The following LDLRAD4 variants were observed in gnomAD, a reference collection of about 807,000 sequenced individuals.
LDLRAD4 encodes low density lipoprotein receptor class A domain containing 4, also known as low-density lipoprotein receptor class A domain-containing protein 4.
LDLRAD4 carries 5 observed loss-of-function variants against 17.0 expected under a neutral mutation model. That is an observed-to-expected ratio of 0.29 (90% CI 0.15 to 0.62). The LOEUF is 0.62. LDLRAD4 is among the 20% of genes least tolerant of loss of function. LDLRAD4 has a pLI of 0.84. For synonymous variants in LDLRAD4, 168 were observed against 171.8 expected (o/e 0.98, Z 0.17); for missense variants, 340 against 424.7 (o/e 0.80, Z 1.75).
intron 1 of LDLRAD4, among the ~76,000 whole-genome samples, chr18:13,290,364 T>C (rs1248453803): frequency 6.6e-6 from 1 of 152,230 alleles, no homozygotes; most frequent in Non-Finnish European, 1.5e-5. Flanking sequence ...CCATTAATCG[T>C]TGTTTATATC....
At chr18:13,624,711 C>A (rs926991986) in intron 4 of LDLRAD4, among the ~76,000 whole-genome samples, 3 of 152,174 alleles carry the variant, frequency 2.0e-5, no homozygotes, top group Non-Finnish European at 4.4e-5. Context: ...CCCTAGGTGA[C>A]CACCTGTGTC....
At chr18:13,463,667 C>A (rs536747581) in intron 3 of LDLRAD4, among the ~76,000 whole-genome samples, 6 of 152,268 alleles carry the variant, frequency 3.9e-5, no homozygotes, top group African/African-American at 1.2e-4. Context: ...GGTGACAGGG[C>A]AGTCACCCAA....
chr18:13,638,571 C>G (rs1286695162), intron 4 of LDLRAD4, among the ~76,000 whole-genome samples: 1 of 152,160 alleles, frequency 6.6e-6, no homozygotes, highest in Non-Finnish European at 1.5e-5. Flanking sequence ...GAGCAGGTGC[C>G]CTCTCGTAAG....
chr18:13,497,676 A>C (rs1462518578), intron 3 of LDLRAD4, among the ~76,000 whole-genome samples: 1 of 152,244 alleles, frequency 6.6e-6, no homozygotes, highest in Non-Finnish European at 1.5e-5. Context: ...AGGTCAAAAC[A>C]CATATGGGGG....
exon 6 of LDLRAD4, chr18:13,648,437 A>G (rs1308065140): frequency 1.3e-5 from 2 of 152,226 alleles, no homozygotes; most frequent in Non-Finnish European, 2.9e-5. Flanking sequence ...TTAGTTTAAA[A>G]GCCAAGGTCA....
chr18:13,280,254 T>C (rs540104576), intron 1 of LDLRAD4: 4 of 152,384 alleles, frequency 2.6e-5, no homozygotes, highest in African/African-American at 9.6e-5. Context: ...GACCTTGGGT[T>C]GAGTTCTGGC....
Position 13,582,243 on chromosome 18 carries a change from T to G in LDLRAD4, c.182-38874T>G, listed in dbSNP as rs571235971. Among the ~76,000 whole-genome samples the G allele has an allele frequency of 2.0e-5, 3 of 152,382 alleles. No individual in the cohort carries two copies. The East Asian group carries it at 5.8e-4, about 29-fold the overall frequency. On this transcript the variant is annotated intron_variant, in intron 3 of 5. Transcript: ENST00000359446. ...GCACTCAGCAATGGCCAGTTTTCTT[T>G]GCCTTTGAATGGCCTAAAAGGGCAA...
intron 1 of LDLRAD4, among the ~76,000 whole-genome samples, chr18:13,344,122 A>G (rs2082540225): frequency 6.6e-6 from 1 of 152,166 alleles, no homozygotes; most frequent in Admixed American, 6.5e-5. Context: ...TTTTGATGCC[A>G]TTGCTTTTGG....
At chr18:13,370,571 G>T (rs1183677498) in intron 1 of LDLRAD4, among the ~76,000 whole-genome samples, 1 of 152,158 alleles carries the variant, frequency 6.6e-6, no homozygotes, top group Non-Finnish European at 1.5e-5. Context: ...ATAAGGAGAT[G>T]GCACCCTTTC....
intron 3 of LDLRAD4, chr18:13,612,286 T>G: frequency 2.0e-6 from 2 of 1,018,876 alleles, no homozygotes; most frequent in Non-Finnish European, 2.4e-6. Context: ...ACCTGAGAAG[T>G]GCAGACTGCT....
At chr18:13,258,414 C>A (rs1216931809) in intron 1 of LDLRAD4, among the ~76,000 whole-genome samples, 1 of 151,912 alleles carries the variant, frequency 6.6e-6, no homozygotes, top group Non-Finnish European at 1.5e-5. Context: ...TAATGAATGG[C>A]CACTAGGGAC....
At chr18:13,365,123 T>TG (rs1440446105) in intron 1 of LDLRAD4, among the ~76,000 whole-genome samples, 1 of 152,208 alleles carries the variant, frequency 6.6e-6, no homozygotes, top group Non-Finnish European at 1.5e-5. Context: ...TCATCAGAAA[T>TG]GCGTTTGCAT....
intron 4 of LDLRAD4, among the ~76,000 whole-genome samples, chr18:13,630,473 A>G (rs1025239499): frequency 1.7e-4 from 26 of 152,254 alleles, no homozygotes; most frequent in African/African-American, 5.8e-4. Flanking sequence ...TGAATATCCA[A>G]AGATCAATTT....
intron 1 of LDLRAD4, among the ~76,000 whole-genome samples, chr18:13,379,464 G>T (rs1021624077): frequency 6.6e-6 from 1 of 152,226 alleles, no homozygotes; most frequent in Non-Finnish European, 1.5e-5. Flanking sequence ...CAATGCCAAG[G>T]ATAATCAGGA....
intron 2 of LDLRAD4, among the ~76,000 whole-genome samples, chr18:13,388,980 T>G (rs943075514): frequency 6.6e-6 from 1 of 152,150 alleles, no homozygotes; most frequent in Non-Finnish European, 1.5e-5. Context: ...CTCTGGATTG[T>G]GAGGGGCTGG....
At chr18:13,256,948 C>G (rs1021213398) in intron 1 of LDLRAD4, among the ~76,000 whole-genome samples, 2 of 152,200 alleles carry the variant, frequency 1.3e-5, no homozygotes. Flanking sequence ...TCAGAACTGT[C>G]TGTTTTCTTT....
At chr18:13,284,616 A>G (rs2045501230) in intron 1 of LDLRAD4, among the ~76,000 whole-genome samples, 1 of 152,158 alleles carries the variant, frequency 6.6e-6, no homozygotes. Context: ...GCGGGAGGTT[A>G]GAAATAGCAT....
chr18:13,590,026 T>C (rs2094991908), intron 3 of LDLRAD4, among the ~76,000 whole-genome samples: 1 of 143,312 alleles, frequency 7.0e-6, no homozygotes, highest in Admixed American at 6.8e-5. Context: ...TGCATGTGTA[T>C]GGGTGTGCAT....
At chr18:13,350,621 G>A (rs968994559) in intron 1 of LDLRAD4, among the ~76,000 whole-genome samples, 7 of 152,156 alleles carry the variant, frequency 4.6e-5, no homozygotes, top group Non-Finnish European at 1.0e-4. Flanking sequence ...CTGTGCAGAA[G>A]CTCTTTAGTT....
Sources: gnomAD v4.1 joint callset for allele counts (sites outside exome capture counted in the v4.1 genomes callset) on GRCh38, gnomAD v4.1.1 for gene constraint, MANE v1.5 for transcripts, NCBI Gene and HGNC (gene_info 2026-07-23, HGNC 2026-07-21) for gene names.